GRIK1: variants seen among roughly 807,000 people sequenced by gnomAD.
The protein encoded by GRIK1 is glutamate ionotropic receptor kainate type subunit 1.
GRIK1 carries 69 observed loss-of-function variants against 105.7 expected under a neutral mutation model. That is an observed-to-expected ratio of 0.65 (90% CI 0.54 to 0.80). GRIK1 has a LOEUF of 0.80. Ranked by LOEUF, GRIK1 falls within the 30% of genes least tolerant of loss-of-function variation. The pLI, the probability that GRIK1 is intolerant of heterozygous loss-of-function variation, is 0.00. For missense variants in GRIK1, 1,109 were observed against 1,167.3 expected (o/e 0.95, Z 0.73); for synonymous variants, 438 against 431.3 (o/e 1.02, Z -0.19).
chr21:29,890,030 A>T (rs2069833700), intron 1 of GRIK1, among the ~76,000 whole-genome samples: 1 of 152,080 alleles, frequency 6.6e-6, no homozygotes, highest in Admixed American at 6.5e-5. Context: ...TCTACCCTAA[A>T]TTCAAGATTT....
intron 1 of GRIK1, among the ~76,000 whole-genome samples, chr21:29,821,577 T>C: frequency 6.6e-6 from 1 of 152,144 alleles, no homozygotes; most frequent in East Asian, 1.9e-4. Context: ...GAGATATTAG[T>C]GTCACACCAT....
At chr21:29,585,209 G>A (rs1034996977) in intron 12 of GRIK1, among the ~76,000 whole-genome samples, 5 of 152,042 alleles carry the variant, frequency 3.3e-5, no homozygotes, top group African/African-American at 1.2e-4. Context: ...TTGCATTGAT[G>A]GTGGTAGTGG....
At chr21:29,846,021 GT>G (rs1339091606) in intron 1 of GRIK1, among the ~76,000 whole-genome samples, 3 of 152,244 alleles carry the variant, frequency 2.0e-5, no homozygotes, top group African/African-American at 4.8e-5. Flanking sequence ...ACTACTTCCT[GT>G]TTTTTTCCTC....
At chr21:29,674,098 G>A (rs941742646) in intron 3 of GRIK1, among the ~76,000 whole-genome samples, 36 of 150,416 alleles carry the variant, frequency 2.4e-4, no homozygotes, top group African/African-American at 8.0e-4. Flanking sequence ...TTAGTATGCA[G>A]TTCTGTACCT....
intron 1 of GRIK1, among the ~76,000 whole-genome samples, chr21:29,881,236 T>C (rs1053457976): frequency 3.3e-5 from 5 of 152,160 alleles, no homozygotes; most frequent in African/African-American, 2.4e-5. Flanking sequence ...GTAATTTATG[T>C]CCAATTTATT....
chr21:29,561,559 A>G (rs2090479621), intron 15 of GRIK1, 65 bp downstream of exon 15: 3 of 1,066,882 alleles, frequency 2.8e-6, no homozygotes, highest in African/African-American at 3.1e-5. Flanking sequence ...CTCTGAGCCC[A>G]TTGCCTTCTA....
In GRIK1 at chr21:29,651,177, T is replaced by C. The variant is rs1327840728; in HGVS notation, c.895A>G (p.Met299Val). The part of the protein sequence containing the change: ...HVSSIIEKWS[M>V]ERLQAPPRPE... ...CTGGGTGGGGCCTGCAGTCTCTCCA[T>C]GGACCACTTCTCAATGATGGATGAC... The change falls in exon 6 of 18, where the codon ATG becomes GTG. Residue 299 changes from methionine (M) to valine (V), a missense_variant. By Grantham distance (21) the Met-to-Val change is conservative. Transcript: ENST00000327783. The C allele has an allele frequency of 6.2e-7, 1 of 1,614,024 alleles. No homozygotes were observed. Among genetic ancestry groups the C allele is most frequent in the South Asian group, 1.1e-5 (1 of 91,080 alleles).
chr21:29,838,748 G>C (rs2067882229), intron 1 of GRIK1, among the ~76,000 whole-genome samples: 1 of 152,154 alleles, frequency 6.6e-6, no homozygotes, highest in African/African-American at 2.4e-5. Context: ...AATTATTAAA[G>C]AATGTCCTGT....
At chr21:29,676,660 C>A (rs1428413478) in intron 3 of GRIK1, among the ~76,000 whole-genome samples, 1 of 152,040 alleles carries the variant, frequency 6.6e-6, no homozygotes, top group East Asian at 1.9e-4. Context: ...GCATGTAATG[C>A]TGATAACGTG....
chr21:29,929,284 G>C (rs966780582), intron 1 of GRIK1, among the ~76,000 whole-genome samples: 4 of 152,166 alleles, frequency 2.6e-5, no homozygotes, highest in African/African-American at 9.7e-5. Context: ...GCAATCTGCA[G>C]GCAAATGTCT....
intron 1 of GRIK1, among the ~76,000 whole-genome samples, chr21:29,916,218 T>A (rs569169514): frequency 5.9e-5 from 9 of 152,070 alleles, no homozygotes; most frequent in African/African-American, 2.2e-4. Flanking sequence ...TGGAAAAATA[T>A]GTTTCAGTAT....
chr21:29,910,361 A>G (rs778935739), intron 1 of GRIK1, among the ~76,000 whole-genome samples: 1 of 152,098 alleles, frequency 6.6e-6, no homozygotes, highest in African/African-American at 2.4e-5. Flanking sequence ...GTTCACACTT[A>G]TATCTCAGGA....
At chr21:29,851,885 T>A (rs900273102) in intron 1 of GRIK1, among the ~76,000 whole-genome samples, 1 of 152,218 alleles carries the variant, frequency 6.6e-6, no homozygotes, top group African/African-American at 2.4e-5. Context: ...AAACATATTA[T>A]CTGTTTCCCC....
At chr21:29,850,924 C>T (rs1040011373) in intron 1 of GRIK1, among the ~76,000 whole-genome samples, 3 of 152,238 alleles carry the variant, frequency 2.0e-5, no homozygotes, top group Non-Finnish European at 2.9e-5. Flanking sequence ...CTTTTACTTA[C>T]GATATTAACA....
chr21:29,923,658 T>G (rs545632526), intron 1 of GRIK1, among the ~76,000 whole-genome samples: 18 of 152,366 alleles, frequency 1.2e-4, no homozygotes, highest in Non-Finnish European at 1.6e-4. Flanking sequence ...TTTGTTTGCT[T>G]GTTCTTACAT....
At chr21:29,594,030 A>T (rs1471728351) in intron 9 of GRIK1, among the ~76,000 whole-genome samples, 3 of 152,222 alleles carry the variant, frequency 2.0e-5, no homozygotes, top group African/African-American at 7.2e-5. Flanking sequence ...TATTGTCTCT[A>T]CAGAGGGACC....
chr21:29,582,440 G>GT (rs1334954838), intron 12 of GRIK1: 1 of 342,134 alleles, frequency 2.9e-6, no homozygotes, highest in African/African-American at 2.2e-5. Flanking sequence ...AAAACAACTA[G>GT]TATAGTAGTG....
chr21:29,854,743 C>T (rs1009723177), intron 1 of GRIK1, among the ~76,000 whole-genome samples: 6 of 152,242 alleles, frequency 3.9e-5, no homozygotes, highest in South Asian at 2.1e-4. Context: ...TTCAAGGATC[C>T]GGGGAGTGAT....
rs1322344225 is a variant in GRIK1, at chr21:29,620,919, A to G, written c.1098+21907T>C. Among the ~76,000 whole-genome samples, 8 of 148,716 alleles carry G rather than the reference A, an allele frequency of 5.4e-5. No individual in the cohort carries two copies. In the East Asian group the frequency reaches 1.5e-3, roughly 29 times the overall value. On this transcript the variant is annotated intron_variant, in intron 7 of 17. Transcript: ENST00000327783. ...ATATATCATATATGTAATTAATTCT[A>G]TATTCTATATATGCTCTCTGTATAT...
Sources: allele counts gnomAD v4.1 joint callset (sites outside exome capture counted in the v4.1 genomes callset), GRCh38; gene constraint gnomAD v4.1.1; transcripts MANE v1.5; gene names NCBI Gene and HGNC (gene_info 2026-07-23, HGNC 2026-07-21).